MYH10: variants seen among roughly 807,000 people sequenced by gnomAD.
MYH10 encodes the protein myosin-10.
A neutral mutation model predicts 257.8 loss-of-function variants in MYH10; 55 were observed. The observed-to-expected ratio is 0.21, with a 90% confidence interval of 0.17 to 0.27. The LOEUF (loss-of-function observed/expected upper bound fraction) is 0.27. Among genes scored for constraint, MYH10 ranks in the 10% least tolerant of loss-of-function variants. The pLI, the probability that MYH10 is intolerant of heterozygous loss-of-function variation, is 1.00. For synonymous variants in MYH10, 854 were observed against 921.7 expected (o/e 0.93, Z 1.33); for missense variants, 1,631 against 2,500.6 (o/e 0.65, Z 7.42).
chr17:8,490,789 C>G lies in MYH10; in HGVS notation c.4672-237G>C, dbSNP rs1915646461. Among the ~76,000 whole-genome samples the G allele has an allele frequency of 6.6e-6, 1 of 152,194 alleles. No individual in the cohort carries two copies. Among genetic ancestry groups the G allele is most frequent in the Non-Finnish European group, 1.5e-5 (1 of 68,036 alleles). On this transcript the variant is annotated intron_variant, in intron 34 of 42. Coordinates refer to ENST00000360416, the MANE Select transcript of MYH10 (RefSeq NM_001256012.3). This position sits in a 1 kb window ranked among gnomAD's most constrained non-coding sequence, Gnocchi z 4.1. ...GGATGTCTTTATTCCCACGTGTTCTCTGGTCATCCTCCTCTGATGACCTTT... is the reference window on the plus strand; with the variant it reads ...GGATGTCTTTATTCCCACGTGTTCTGTGGTCATCCTCCTCTGATGACCTTT...
At position 8,621,881 on chromosome 17, in the gene MYH10, C is replaced by T. The variant is rs550067579; in HGVS notation, c.345+1021G>A. Among the ~76,000 whole-genome samples the T allele has an allele frequency of 6.6e-5, 10 of 152,320 alleles. No individual in the cohort carries two copies. In the East Asian group the frequency reaches 1.5e-3, roughly 24 times the overall value. ...AAGCCATTCTCCTACTTACTCTCTC[C>T]ATAGCCTTGTTTCATTTCCTCATTG... is the stretch of plus-strand genomic sequence containing the variant. On this transcript the variant is annotated intron_variant, in intron 2 of 42. Transcript: ENST00000360416.
At chr17:8,542,044 A>G in intron 14 of MYH10, 63 bp downstream of exon 14, 1 of 1,489,182 alleles carries the variant, frequency 6.7e-7, no homozygotes, top group East Asian at 2.3e-5. Context: ...GTCTTGGGTT[A>G]TGCCACTTAA....
chr17:8,495,240 T>G lies in MYH10; in HGVS notation c.3953A>C (p.Asn1318Thr). The G allele has an allele frequency of 6.3e-7, 1 of 1,587,110 alleles. No homozygotes were observed. The highest frequency in any genetic ancestry group is 8.6e-7 in the Non-Finnish European group (1 of 1,156,076). The change falls in exon 31 of 43, where the codon AAT (asparagine) becomes ACT (threonine). Residue 1318 changes from asparagine (N) to threonine (T), a missense_variant and splice_region_variant. By Grantham distance (65) the Asn-to-Thr change is moderately conservative. Around this residue, in one of 11 missense-constraint regions of MYH10, gnomAD observed 463 missense variants for 621.8 expected, o/e 0.74. Coordinates refer to ENST00000360416, the MANE Select transcript of MYH10 (RefSeq NM_001256012.3). The stretch of plus-strand genomic sequence containing the variant: ...AAGGGTGGAGACATTATCTAGCTCA[T>G]TCTGTAAGGAGCAGAAGATTAAATT... ...ELAEKASKLQ[N>T]ELDNVSTLLE...
intron 35 of MYH10, 139 bp from the exon 36 acceptor site, chr17:8,487,733 A>G: frequency 1.0e-6 from 1 of 974,806 alleles, no homozygotes; most frequent in Non-Finnish European, 1.5e-6. Context: ...CTGTTACCAA[A>G]CAGTTACTAT....
At chr17:8,510,092 G>A (rs2081212756) in intron 24 of MYH10, 143 bp from the exon 25 acceptor site, 7 of 818,338 alleles carry the variant, frequency 8.6e-6, no homozygotes, top group Non-Finnish European at 1.0e-5. Context: ...AGGCTGAAGT[G>A]CAGTGGTGCC....
intron 7 of MYH10, among the ~76,000 whole-genome samples, chr17:8,568,393 AT>A (rs1380854996): frequency 6.6e-6 from 1 of 152,116 alleles, no homozygotes; most frequent in East Asian, 1.9e-4. Flanking sequence ...GTCCTCTGTG[AT>A]CCTGAATCTG....
chr17:8,475,758 A>T lies in MYH10; in HGVS notation c.*46T>A, dbSNP rs370241263. On this transcript the variant is annotated 3_prime_UTR_variant, in exon 43 of 43. Transcript: ENST00000360416. ...GAAATCTGCAGGAGGCCCCGGGTGC[A>T]TTCCTAACTGTCCCACTGTATTGCC... 6.3e-7 allele frequency: 1 copy of T among 1,592,746 alleles called. No individual in the cohort carries two copies.
chr17:8,627,138 AT>A (rs11411169), intron 1 of MYH10, among the ~76,000 whole-genome samples: 38 of 150,532 alleles, frequency 2.5e-4, no homozygotes, highest in South Asian at 1.9e-3. Context: ...ACACGTGTGT[AT>A]TTTTTTTTTA....
chr17:8,566,256 C>T (rs1039475904), intron 7 of MYH10, among the ~76,000 whole-genome samples: 1 of 152,156 alleles, frequency 6.6e-6, no homozygotes, highest in Non-Finnish European at 1.5e-5. Context: ...TGTAAGGATT[C>T]ATAGTAGCCA....
At chr17:8,623,322 A>C (rs1477214287) in intron 1 of MYH10, 45 bp from the exon 2 acceptor site, 1 of 1,476,832 alleles carries the variant, frequency 6.8e-7, no homozygotes, top group Non-Finnish European at 8.9e-7. Context: ...TAAGAAACAA[A>C]AGAATGTACA....
chr17:8,594,951 T>C lies in MYH10; in HGVS notation c.503-5843A>G, dbSNP rs545910664. Reference sequence around the variant, plus strand: ...ATCCACAGTTGGTTGAATCTGCAAATGTGGGACCCACGAATACAGAGGGCC... The same window carrying C: ...ATCCACAGTTGGTTGAATCTGCAAACGTGGGACCCACGAATACAGAGGGCC... On this transcript the variant is annotated intron_variant, in intron 3 of 42. Transcript: ENST00000360416. Among the ~76,000 whole-genome samples, 385 of 152,322 alleles carry C rather than the reference T, an allele frequency of 2.5e-3. 2 individuals carry two copies. Among genetic ancestry groups the C allele is most frequent in the African/African-American group, 9.0e-3 (374 of 41,566 alleles).
At chr17:8,550,802 C>G (rs1347502272) in intron 9 of MYH10, among the ~76,000 whole-genome samples, 1 of 151,922 alleles carries the variant, frequency 6.6e-6, no homozygotes, top group Non-Finnish European at 1.5e-5. Flanking sequence ...ACTAAGAAAA[C>G]TTCTTCTGCC....
In MYH10 at chr17:8,535,984, T is replaced by C. The variant is rs972946759; in HGVS notation, c.1606-53A>G. ...CAAGTTTTGCATGCCACTTTAATAC[T>C]ACTGAGTCTGGCACTTAAACTTCTA... On this transcript the variant is annotated intron_variant, in intron 14 of 42. Transcript: ENST00000360416. This position sits in a 1 kb window ranked among gnomAD's most constrained non-coding sequence, Gnocchi z 4.3. 3.2e-5 allele frequency: 48 copies of C among 1,513,770 alleles called. No individual in the cohort carries two copies. The African/African-American group carries it at 6.3e-4, about 20-fold the overall frequency. 93.8% of individuals were successfully genotyped at this position (1,513,770 alleles called of 1,614,324 possible).
At chr17:8,537,426 C>T (rs1055690597) in intron 14 of MYH10, among the ~76,000 whole-genome samples, 3 of 152,146 alleles carry the variant, frequency 2.0e-5, no homozygotes, top group Admixed American at 6.5e-5. Flanking sequence ...ATCTGAATGC[C>T]AGCGGGTGGA....
In MYH10 at chr17:8,481,486, TACAGCG is replaced by T. The variant is rs1269382030; in HGVS notation, c.5176-82_5176-77del. 6 of 1,295,068 alleles carry T rather than the reference TACAGCG, an allele frequency of 4.6e-6. No homozygotes were observed. The African/African-American group carries it at 7.3e-5, about 16-fold the overall frequency. The allele number at this position is 1,295,068 out of a possible 1,614,324, so 80.2% of individuals were successfully genotyped here. A position where few individuals can be genotyped will look rare whatever the true frequency, so the allele number is the denominator to read the frequency against. On this transcript the variant is annotated intron_variant, in intron 37 of 42. Transcript: ENST00000360416. ...TGTGGAATCTGACAGTGCCTGGAGC[TACAGCG>T]ACCTTGCTCCTGTCACTGTTTACCT...
At chr17:8,517,093 G>T (rs1376937942) in intron 21 of MYH10, among the ~76,000 whole-genome samples, 1 of 152,024 alleles carries the variant, frequency 6.6e-6, no homozygotes, top group Non-Finnish European at 1.5e-5. Context: ...GTGAGCCGAG[G>T]TCGCGCCACT....
At chr17:8,524,524 T>TA (rs1158380184) in intron 17 of MYH10, among the ~76,000 whole-genome samples, 1 of 145,500 alleles carries the variant, frequency 6.9e-6, no homozygotes, top group Non-Finnish European at 1.5e-5. Context: ...GCCCAAGTCT[T>TA]AAACCCAAGC....
At chr17:8,577,869 A>G (rs2083558104) in intron 4 of MYH10, among the ~76,000 whole-genome samples, 1 of 152,174 alleles carries the variant, frequency 6.6e-6, no homozygotes, top group South Asian at 2.1e-4. Flanking sequence ...GTAAGAGGAC[A>G]CAGGAAAATG....
At chr17:8,531,026 G>A (rs1339047966) in intron 16 of MYH10, among the ~76,000 whole-genome samples, 1 of 152,084 alleles carries the variant, frequency 6.6e-6, no homozygotes, top group Admixed American at 6.6e-5. Flanking sequence ...ATATCTTATC[G>A]TTAGTAGCTT....
Sources: gnomAD v4.1 joint callset for allele counts (sites outside exome capture counted in the v4.1 genomes callset) on GRCh38, gnomAD v4.1.1 for gene constraint, gnomAD v4.1.1 regional missense constraint, Gnocchi (gnomAD v3.1) non-coding constraint, MANE v1.5 for transcripts, NCBI Gene and HGNC (gene_info 2026-07-23, HGNC 2026-07-21) for gene names.